Variants in MICU1 observed in about 807,000 individuals in gnomAD.
The protein encoded by MICU1 is mitochondrial calcium uptake 1.
A neutral mutation model predicts 56.8 loss-of-function variants in MICU1; 45 were observed. The observed-to-expected ratio is 0.79, with a 90% CI of 0.62 to 1.02. MICU1 has a LOEUF of 1.02. MICU1 is among the 50% of genes least tolerant of loss of function. MICU1 has a pLI of 0.00. For synonymous variants in MICU1, 186 were observed against 195.1 expected (o/e 0.95, Z 0.39); for missense variants, 504 against 587.1 (o/e 0.86, Z 1.46).
intron 1 of MICU1, among the ~76,000 whole-genome samples, chr10:72,600,274 A>AGAG: frequency 7.1e-6 from 1 of 140,774 alleles, no homozygotes; most frequent in East Asian, 2.1e-4. Context: ...CCTGGGTGAC[A>AGAG]AGAGTGAAAC....
chr10:72,552,592 G>T (rs1265358844), intron 3 of MICU1, among the ~76,000 whole-genome samples: 1 of 151,892 alleles, frequency 6.6e-6, no homozygotes, highest in Non-Finnish European at 1.5e-5. Context: ...TTTTGTTCTT[G>T]TTGCCCAGGC....
intron 5 of MICU1, 79 bp from the exon 6 acceptor site, chr10:72,508,348 A>T: frequency 1.8e-6 from 1 of 554,680 alleles, no homozygotes; most frequent in Non-Finnish European, 3.1e-6. Flanking sequence ...ATGAATCACC[A>T]TTTATCTGAC....
chr10:72,443,115 T>C (rs952579796), intron 8 of MICU1, among the ~76,000 whole-genome samples: 6 of 152,206 alleles, frequency 3.9e-5, no homozygotes, highest in South Asian at 2.1e-4. Context: ...ATTTCTCTGA[T>C]GGGCAGTGAT....
Position 72,477,174 on chromosome 10 carries a change from CT to C in MICU1, c.734del (p.Gln245ArgfsTer43), listed in dbSNP as rs1319785257. Reference protein sequence around the residue: ...DGEVDMEEFEQVQSIIRSQTS... With the variant: ...DGEVDMEEFEXVQSIIRSQTS... ...AGAGGAACTCTCCAGGACAACTTGC[CT>C]GTTCAAATTCTTCCATATCTACTTC... On this transcript the variant is annotated frameshift_variant and splice_region_variant, in exon 7 of 12. Coordinates refer to ENST00000361114, the MANE Select transcript of MICU1 (RefSeq NM_001195518.2). LOFTEE classifies it high-confidence loss of function. 2.6e-6 allele frequency: 4 copies of C among 1,541,058 alleles called. No homozygotes were observed. The highest frequency in any genetic ancestry group is 3.5e-6 in the Non-Finnish European group (4 of 1,143,246).
intron 1 of MICU1, among the ~76,000 whole-genome samples, chr10:72,576,378 A>AT (rs1564943430): frequency 1.3e-5 from 2 of 152,226 alleles, no homozygotes; most frequent in Non-Finnish European, 2.9e-5. Context: ...TCCAATGAAC[A>AT]TAAGAATAAA....
chr10:72,597,086 C>T (rs1012412053), intron 1 of MICU1, among the ~76,000 whole-genome samples: 1 of 152,008 alleles, frequency 6.6e-6, no homozygotes, highest in African/African-American at 2.4e-5. Context: ...TTTCTGTAAA[C>T]CTAGAACTGC....
At chr10:72,399,250 G>A (rs1863368646) in intron 10 of MICU1, among the ~76,000 whole-genome samples, 1 of 151,920 alleles carries the variant, frequency 6.6e-6, no homozygotes, top group African/African-American at 2.4e-5. Context: ...CTCATAGGTG[G>A]GAACTGAACA....
intron 8 of MICU1, among the ~76,000 whole-genome samples, chr10:72,424,061 A>C (rs192420301): frequency 6.6e-6 from 1 of 152,244 alleles, no homozygotes; most frequent in East Asian, 1.9e-4. Context: ...CAAAACATAG[A>C]ACTGTATTTT....
At chr10:72,371,285 G>A (rs1413177270) in intron 11 of MICU1, among the ~76,000 whole-genome samples, 1 of 151,316 alleles carries the variant, frequency 6.6e-6, no homozygotes, top group East Asian at 1.9e-4. Context: ...TACTCGGGAG[G>A]CTGAGGCAGG....
At chr10:72,465,957 C>T (rs2132248685) in intron 8 of MICU1, among the ~76,000 whole-genome samples, 1 of 152,246 alleles carries the variant, frequency 6.6e-6, no homozygotes, top group South Asian at 2.1e-4. Flanking sequence ...AATTTCCCAG[C>T]TAGGAGATTC....
chr10:72,600,351 G>A (rs1841494196), intron 1 of MICU1, among the ~76,000 whole-genome samples: 1 of 142,500 alleles, frequency 7.0e-6, no homozygotes, highest in African/African-American at 2.6e-5. Flanking sequence ...GGAATTGTGA[G>A]GAAAGAAAAA....
intron 1 of MICU1, among the ~76,000 whole-genome samples, chr10:72,576,447 C>G (rs1840748935): frequency 6.6e-6 from 1 of 152,164 alleles, no homozygotes; most frequent in Non-Finnish European, 1.5e-5. Context: ...GACAGAAGAT[C>G]AAATCAGCCA....
At chr10:72,389,394 T>C (rs1322624530) in intron 10 of MICU1, among the ~76,000 whole-genome samples, 1 of 152,206 alleles carries the variant, frequency 6.6e-6, no homozygotes, top group Non-Finnish European at 1.5e-5. Context: ...ACTGAGACCA[T>C]TTGAAGATGT....
rs537307285 is a variant in MICU1 at position 72,551,458 on chromosome 10, T to G, written c.331-117A>C. ...TTTTCCATCCTATTTTGGGAAGAAA[T>G]TCTATCATTTTTTTCTATACTTAGT... On this transcript the variant is annotated intron_variant, in intron 3 of 11. Coordinates refer to ENST00000361114, the MANE Select transcript of MICU1 (RefSeq NM_001195518.2). 125 of 687,424 alleles carry G rather than the reference T, an allele frequency of 1.8e-4. No homozygotes were observed. The South Asian group carries it at 5.9e-3, about 33-fold the overall frequency. 42.6% of individuals were successfully genotyped at this position (687,424 alleles called of 1,614,324 possible).
At chr10:72,460,114 C>T (rs948568318) in intron 8 of MICU1, among the ~76,000 whole-genome samples, 5 of 152,152 alleles carry the variant, frequency 3.3e-5, no homozygotes, top group African/African-American at 9.7e-5. Context: ...CACTTTATAC[C>T]TTTCAATGGT....
At position 72,475,210 on chromosome 10, in the gene MICU1, A is replaced by G; in HGVS notation, c.823T>C (p.Cys275Arg). ...TTGNTLKSGL[C>R]SALTTYFFGA... The stretch of plus-strand genomic sequence containing the variant: ...AAAAAGTAGGTTGTGAGGGCTGAAC[A>G]CAAGCCAGACTTGAGGGTGTTGCCA... The change falls in exon 8 of 12, where the codon TGT (cysteine) becomes CGT (arginine). Residue 275 changes from cysteine (C) to arginine (R), a missense_variant. Coordinates refer to ENST00000361114, the MANE Select transcript of MICU1 (RefSeq NM_001195518.2). 1.2e-6 allele frequency: 2 copies of G among 1,611,208 alleles called. No individual in the cohort carries two copies. Among genetic ancestry groups the G allele is most frequent in the Non-Finnish European group, 1.7e-6 (2 of 1,178,638 alleles).
chr10:72,378,453 T>C (rs1862598486), intron 10 of MICU1, among the ~76,000 whole-genome samples: 1 of 152,172 alleles, frequency 6.6e-6, no homozygotes, highest in Non-Finnish European at 1.5e-5. Flanking sequence ...CCTCCTGCTC[T>C]GGCCATGTGA....
At chr10:72,402,570 AAAACAAAAAACAAAAAAAC>A (rs1358658249) in intron 10 of MICU1, among the ~76,000 whole-genome samples, 5 of 152,170 alleles carry the variant, frequency 3.3e-5, no homozygotes, top group African/African-American at 4.8e-5. Flanking sequence ...TATATTAAAA[AAAACAAAAAACAAAAAAAC>A]AAACAAAAAA....
chr10:72,603,932 T>C (rs1186660679), intron 1 of MICU1, among the ~76,000 whole-genome samples: 1 of 152,186 alleles, frequency 6.6e-6, no homozygotes, highest in Non-Finnish European at 1.5e-5. Flanking sequence ...ATTTTTCTGA[T>C]TGGCAATTGG....
Sources: gnomAD v4.1 joint callset for allele counts (sites outside exome capture counted in the v4.1 genomes callset) on GRCh38, gnomAD v4.1.1 for gene constraint, MANE v1.5 for transcripts, NCBI Gene and HGNC (gene_info 2026-07-23, HGNC 2026-07-21) for gene names.